Variants in TRIM71 observed in about 807,000 individuals in gnomAD.
TRIM71 encodes the protein E3 ubiquitin-protein ligase TRIM71.
Under a neutral mutation model 61.2 loss-of-function variants are expected in TRIM71, and 9 were observed. The observed-to-expected ratio is 0.15, with a 90% CI of 0.09 to 0.26. TRIM71 has a LOEUF of 0.26. Ranked by LOEUF, TRIM71 falls within the 10% of genes least tolerant of loss-of-function variation. The pLI, the probability that TRIM71 is intolerant of heterozygous loss-of-function variation, is 1.00. For missense variants in TRIM71, 998 were observed against 1,238.7 expected (o/e 0.81, Z 2.92); for synonymous variants, 645 against 553.2 (o/e 1.17, Z -2.33).
rs541536225 is a variant in TRIM71, at chr3:32,855,501, C to T, written c.853-18317C>T. On this transcript the variant is annotated intron_variant, in intron 1 of 3. Coordinates refer to ENST00000383763, the MANE Select transcript of TRIM71 (RefSeq NM_001039111.3). Reference sequence around the variant, plus strand: ...TGGAGGGTTTTAAAGAGGGGTGTGGCGTGATATGTCTCTGACCTGTCTCTA... The same window carrying T: ...TGGAGGGTTTTAAAGAGGGGTGTGGTGTGATATGTCTCTGACCTGTCTCTA... Among the ~76,000 whole-genome samples, 307 of 152,146 alleles carry T rather than the reference C, an allele frequency of 2.0e-3. 2 individuals are homozygous for T. The highest frequency in any genetic ancestry group is 3.4e-3 in the Non-Finnish European group (230 of 67,994).
chr3:32,821,175 G>T (rs1053923368), intron 1 of TRIM71, among the ~76,000 whole-genome samples: 1 of 152,094 alleles, frequency 6.6e-6, no homozygotes, highest in Non-Finnish European at 1.5e-5. Context: ...TCCCTCTCTG[G>T]CTGGGAAGGA....
At chr3:32,822,124 G>A (rs1043820163) in intron 1 of TRIM71, among the ~76,000 whole-genome samples, 1 of 152,168 alleles carries the variant, frequency 6.6e-6, no homozygotes, top group Admixed American at 6.5e-5. Context: ...TAAGCTGGGC[G>A]TCAGGATTCT....
At chr3:32,838,051 G>C (rs1004688422) in intron 1 of TRIM71, among the ~76,000 whole-genome samples, 4 of 152,236 alleles carry the variant, frequency 2.6e-5, no homozygotes, top group Non-Finnish European at 5.9e-5. Flanking sequence ...TCTGCCATGT[G>C]CCTGGCTATC....
At chr3:32,887,849 C>T (rs912666498) in intron 3 of TRIM71, among the ~76,000 whole-genome samples, 7 of 152,078 alleles carry the variant, frequency 4.6e-5, no homozygotes, top group African/African-American at 7.2e-5. Flanking sequence ...AGGAATGAGT[C>T]GAAATCATAT....
chr3:32,878,928 A>G (rs1432408261), intron 2 of TRIM71, among the ~76,000 whole-genome samples: 1 of 152,212 alleles, frequency 6.6e-6, no homozygotes, highest in African/African-American at 2.4e-5. Context: ...TCTTTCCAAT[A>G]TCAGGCTGTC....
Position 32,818,446 on chromosome 3 carries a change from G to T in TRIM71, c.366G>T (p.Ala122=). 6.8e-7 allele frequency: 1 copy of T among 1,466,464 alleles called. No homozygotes were observed. The highest frequency in any genetic ancestry group is 3.1e-5 in the East Asian group (1 of 32,678). 90.8% of individuals were successfully genotyped at this position (1,466,464 alleles called of 1,614,324 possible). A position where few individuals can be genotyped will look rare whatever the true frequency, so the allele number is the denominator to read the frequency against. ...TCCTGCTTAGCAACCTGCTCGACGC[G>T]GTGGTGGCCACTGCCGACGAGCCGC... ...SAFLLSNLLD[A]VVATADEPPP... Residue 122 remains alanine, a synonymous_variant, in exon 1 of 4, where the codon GCG becomes GCT. Coordinates refer to ENST00000383763, the MANE Select transcript of TRIM71 (RefSeq NM_001039111.3).
chr3:32,850,793 G>C (rs932315892), intron 1 of TRIM71, among the ~76,000 whole-genome samples: 1 of 152,054 alleles, frequency 6.6e-6, no homozygotes, highest in Non-Finnish European at 1.5e-5. Context: ...TGCCCTATCC[G>C]CCTGTTTCTC....
chr3:32,891,403 C>T lies in TRIM71; in HGVS notation c.2199C>T (p.Phe733=). 6.2e-7 allele frequency: 1 copy of T among 1,614,070 alleles called. No individual in the cohort carries two copies. Among genetic ancestry groups the T allele is most frequent in the Non-Finnish European group, 8.5e-7 (1 of 1,180,024 alleles). ...AGCTGTTTGGGCCTGATGGTGTCTT[C>T]CTAAACAAGTATGGCTTCGAGGGGG... ...RIQLFGPDGV[F]LNKYGFEGAL... The change falls in exon 4 of 4, where the codon TTC becomes TTT. Residue 733 remains phenylalanine (F), a synonymous_variant. Transcript: ENST00000383763. This position sits in a 1 kb window ranked among gnomAD's most constrained non-coding sequence, Gnocchi z 8.2.
At chr3:32,876,441 A>G (rs541383875) in intron 2 of TRIM71, among the ~76,000 whole-genome samples, 46 of 152,280 alleles carry the variant, frequency 3.0e-4, no homozygotes, top group African/African-American at 1.0e-3. Context: ...AAAATTAGCC[A>G]GGCATGGTGG....
intron 1 of TRIM71, among the ~76,000 whole-genome samples, chr3:32,826,031 A>C (rs903423961): frequency 6.6e-6 from 1 of 152,180 alleles, no homozygotes; most frequent in Non-Finnish European, 1.5e-5. Context: ...TGTTTGACTT[A>C]AACGATATTC....
At chr3:32,830,821 T>TA (rs1238359377) in intron 1 of TRIM71, among the ~76,000 whole-genome samples, 3 of 151,928 alleles carry the variant, frequency 2.0e-5, no homozygotes, top group Non-Finnish European at 4.4e-5. Flanking sequence ...GGGTTTTTTT[T>TA]ATTTGTTTTG....
At position 32,833,184 on chromosome 3, in the gene TRIM71, T is replaced by TAAAAAAAAAAAAAAAAAAAAAAAAA. The variant is rs1182178339; in HGVS notation, c.852+14256_852+14280dup. On this transcript the variant is annotated intron_variant, in intron 1 of 3. Coordinates refer to ENST00000383763, the MANE Select transcript of TRIM71 (RefSeq NM_001039111.3). ...GGTGACAAGAATGAAACTCTGTCTT[T>TAAAAAAAAAAAAAAAAAAAAAAAAA]AAAAAAAAAAAAAAAAAAAAAAAAA... Among the ~76,000 whole-genome samples the TAAAAAAAAAAAAAAAAAAAAAAAAA allele has an allele frequency of 4.8e-4, 26 of 54,430 alleles. 3 individuals carry two copies. The highest frequency in any genetic ancestry group is 1.7e-3 in the East Asian group (2 of 1,158). The allele number at this position is 54,430 out of a possible 152,430, so 35.7% of individuals were successfully genotyped here.
intron 3 of TRIM71, among the ~76,000 whole-genome samples, chr3:32,886,401 A>G (rs1696962245): frequency 6.6e-6 from 1 of 152,298 alleles, no homozygotes; most frequent in Admixed American, 6.5e-5. Flanking sequence ...GGTAGGAAAC[A>G]TCCCTATTTT....
intron 2 of TRIM71, among the ~76,000 whole-genome samples, chr3:32,877,740 G>GC (rs1696865420): frequency 6.6e-6 from 1 of 152,088 alleles, no homozygotes; most frequent in Non-Finnish European, 1.5e-5. Context: ...ACATCTTCAA[G>GC]CTCCAGTTCT....
chr3:32,829,267 C>G (rs1377617210), intron 1 of TRIM71, among the ~76,000 whole-genome samples: 2 of 151,118 alleles, frequency 1.3e-5, no homozygotes, highest in Non-Finnish European at 2.9e-5. Context: ...TCACTGCAAC[C>G]TCCACCTCTC....
At chr3:32,872,980 C>T (rs557546911) in intron 1 of TRIM71, among the ~76,000 whole-genome samples, 2 of 152,066 alleles carry the variant, frequency 1.3e-5, no homozygotes, top group East Asian at 3.9e-4. Context: ...TGAGACTGGC[C>T]CAGTTTCTAT....
intron 1 of TRIM71, among the ~76,000 whole-genome samples, chr3:32,866,607 T>C (rs1304883593): frequency 6.6e-6 from 1 of 151,988 alleles, no homozygotes; most frequent in Non-Finnish European, 1.5e-5. Context: ...GCTACTGGAG[T>C]ATGTTGAGGC....
At chr3:32,861,751 T>A (rs1041038187) in intron 1 of TRIM71, among the ~76,000 whole-genome samples, 18 of 152,020 alleles carry the variant, frequency 1.2e-4, no homozygotes, top group African/African-American at 4.1e-4. Flanking sequence ...GTCTGGCTTC[T>A]CTCTTTAATA....
At chr3:32,870,754 T>C (rs1189087129) in intron 1 of TRIM71, among the ~76,000 whole-genome samples, 2 of 152,156 alleles carry the variant, frequency 1.3e-5, no homozygotes, top group African/African-American at 4.8e-5. Flanking sequence ...TAATTCTTTA[T>C]AGTTACATAG....
Sources: gnomAD v4.1 joint callset for allele counts (sites outside exome capture counted in the v4.1 genomes callset) on GRCh38, gnomAD v4.1.1 for gene constraint, Gnocchi (gnomAD v3.1) non-coding constraint, MANE v1.5 for transcripts, NCBI Gene and HGNC (gene_info 2026-07-23, HGNC 2026-07-21) for gene names.